Variants in GNA14 observed in about 807,000 individuals in gnomAD.
GNA14 encodes the protein G protein subunit alpha 14.
Under a neutral mutation model 42.0 loss-of-function variants are expected in GNA14, and 50 were observed. The observed-to-expected ratio is 1.19, with a 90% CI of 0.95 to 1.51. The LOEUF is 1.51. Among genes scored for constraint, GNA14 ranks in the 40% most tolerant of loss-of-function variants. The pLI is 0.00. For synonymous variants in GNA14, 173 were observed against 163.1 expected (o/e 1.06, Z -0.46); for missense variants, 473 against 446.2 (o/e 1.06, Z -0.54).
intron 2 of GNA14, among the ~76,000 whole-genome samples, chr9:77,473,012 A>G (rs1381094627): frequency 6.6e-6 from 1 of 152,262 alleles, no homozygotes; most frequent in Non-Finnish European, 1.5e-5. Flanking sequence ...TGACTAAAAC[A>G]ACTAGTAATC....
intron 2 of GNA14, among the ~76,000 whole-genome samples, chr9:77,516,748 G>C (rs1837265306): frequency 6.6e-6 from 1 of 151,872 alleles, no homozygotes; most frequent in African/African-American, 2.4e-5. Flanking sequence ...GTAGGGGGCA[G>C]GGGAATGTAA....
chr9:77,521,856 G>A (rs976864387), intron 2 of GNA14, among the ~76,000 whole-genome samples: 1 of 151,572 alleles, frequency 6.6e-6, no homozygotes, highest in African/African-American at 2.4e-5. Context: ...TTTTTGAGAT[G>A]GAGTCTCACT....
intron 1 of GNA14, among the ~76,000 whole-genome samples, chr9:77,588,717 G>T (rs951224551): frequency 6.6e-6 from 1 of 152,146 alleles, no homozygotes; most frequent in Admixed American, 6.5e-5. Flanking sequence ...TCTTTGTCAG[G>T]TGACACTCTC....
Position 77,431,419 on chromosome 9 carries a change from T to C in GNA14, c.495A>G (p.Thr165=). The C allele has an allele frequency of 6.2e-7, 1 of 1,613,692 alleles. No individual in the cohort carries two copies. The highest frequency in any genetic ancestry group is 8.5e-7 in the Non-Finnish European group (1 of 1,179,752). The change falls in exon 4 of 7, where the codon ACA becomes ACG. Residue 165 remains threonine, a synonymous_variant. Coordinates refer to ENST00000341700, the MANE Select transcript of GNA14 (RefSeq NM_004297.4). The stretch of plus-strand genomic sequence containing the variant: ...CTTGTTGGGTAGGCACGAATGATGG[T>C]GTGGCGATGCGGTCAATGTCAGTCA... ...YYLTDIDRIA[T]PSFVPTQQDV...
chr9:77,611,109 A>C lies in GNA14; in HGVS notation c.124+36561T>G, dbSNP rs976289540. ...ATTTGTTTTACATTACCCTATTCTC[A>C]AGTGGTTTTAAGGCAGCTAGAAGAC... On this transcript the variant is annotated intron_variant, in intron 1 of 6. Coordinates refer to ENST00000341700, the MANE Select transcript of GNA14 (RefSeq NM_004297.4). Among the ~76,000 whole-genome samples the C allele has an allele frequency of 2.2e-4, 34 of 152,254 alleles. 1 individual carries two copies. Among genetic ancestry groups the C allele is most frequent in the African/African-American group, 8.2e-4 (34 of 41,562 alleles).
chr9:77,605,072 T>C (rs181061909), intron 1 of GNA14, among the ~76,000 whole-genome samples: 11 of 152,368 alleles, frequency 7.2e-5, no homozygotes, highest in African/African-American at 2.6e-4. Flanking sequence ...AATGTCACTG[T>C]AACTTGGTAT....
intron 1 of GNA14, among the ~76,000 whole-genome samples, chr9:77,580,085 T>C (rs1406976309): frequency 2.0e-5 from 3 of 152,208 alleles, no homozygotes; most frequent in Non-Finnish European, 2.9e-5. Context: ...AGGGTGACTG[T>C]ATGTCCTGGT....
At chr9:77,618,298 T>G (rs1484287124) in intron 1 of GNA14, among the ~76,000 whole-genome samples, 2 of 151,998 alleles carry the variant, frequency 1.3e-5, no homozygotes, top group African/African-American at 2.4e-5. Flanking sequence ...TCCGTGCTAC[T>G]GAAGCAGGTA....
intron 1 of GNA14, among the ~76,000 whole-genome samples, chr9:77,622,328 A>C (rs1047195368): frequency 6.6e-6 from 1 of 152,240 alleles, no homozygotes; most frequent in African/African-American, 2.4e-5. Context: ...AAGGAACAGC[A>C]AAAGAATAAG....
At chr9:77,506,492 T>A (rs1305334943) in intron 2 of GNA14, among the ~76,000 whole-genome samples, 1 of 151,970 alleles carries the variant, frequency 6.6e-6, no homozygotes, top group African/African-American at 2.4e-5. Context: ...TTCTGGCCAG[T>A]GTGGTGAAAC....
intron 1 of GNA14, among the ~76,000 whole-genome samples, chr9:77,532,476 C>A (rs528243229): frequency 1.4e-4 from 21 of 152,334 alleles, no homozygotes; most frequent in Non-Finnish European, 2.8e-4. Context: ...ATAATGACAG[C>A]AGTGACCAGG....
At chr9:77,565,694 G>A (rs1822956923) in intron 1 of GNA14, among the ~76,000 whole-genome samples, 1 of 152,240 alleles carries the variant, frequency 6.6e-6, no homozygotes, top group Admixed American at 6.5e-5. Flanking sequence ...CCTGCCTCGA[G>A]TGATCCTTCT....
rs953692242 is a variant in GNA14, at chr9:77,488,214, A to G, written c.309+40855T>C. 1.3e-4 allele frequency among the ~76,000 whole-genome samples: 20 copies of G among 152,322 alleles called. No individual in the cohort carries two copies. The East Asian group carries it at 3.7e-3, about 28-fold the overall frequency. On this transcript the variant is annotated intron_variant, in intron 2 of 6. Transcript: ENST00000341700. The stretch of plus-strand genomic sequence containing the variant: ...TAAAAAACTGTGAGGAGGTGGTAAG[A>G]TAACTGAACTTCCATATCCTTGATT...
intron 1 of GNA14, among the ~76,000 whole-genome samples, chr9:77,604,021 G>A (rs753072680): frequency 4.1e-4 from 59 of 142,224 alleles, no homozygotes; most frequent in Non-Finnish European, 7.4e-4. Context: ...ATCACTCATT[G>A]CAATTAATCT....
At chr9:77,582,138 C>G (rs1823235250) in intron 1 of GNA14, among the ~76,000 whole-genome samples, 1 of 152,176 alleles carries the variant, frequency 6.6e-6, no homozygotes, top group Non-Finnish European at 1.5e-5. Context: ...CTTTCAGCAA[C>G]ACTTTACTTT....
chr9:77,543,148 T>G (rs1053292321), intron 1 of GNA14, among the ~76,000 whole-genome samples: 1 of 152,342 alleles, frequency 6.6e-6, no homozygotes, highest in East Asian at 1.9e-4. Context: ...CTCTTCCTTC[T>G]TGGCCTGGCA....
rs773009330 is a variant in GNA14 at position 77,484,196 on chromosome 9, T to A, written c.309+44873A>T. Among the ~76,000 whole-genome samples the A allele has an allele frequency of 3.9e-4, 60 of 152,188 alleles. 1 individual carries two copies. The highest frequency in any genetic ancestry group is 1.0e-3 in the South Asian group (5 of 4,820). ...TGCAGTCAATTAAAAGAACAATCAATCTAGCTCAGAGTAGGAGGATGAAGA... is the reference window on the plus strand; with the variant it reads ...TGCAGTCAATTAAAAGAACAATCAAACTAGCTCAGAGTAGGAGGATGAAGA... On this transcript the variant is annotated intron_variant, in intron 2 of 6. Transcript: ENST00000341700.
chr9:77,557,517 T>G (rs1332060673), intron 1 of GNA14, among the ~76,000 whole-genome samples: 1 of 152,218 alleles, frequency 6.6e-6, no homozygotes, highest in Non-Finnish European at 1.5e-5. Flanking sequence ...AACATACTGG[T>G]TAGCTGGGGA....
At chr9:77,540,642 C>T (rs1837648284) in intron 1 of GNA14, among the ~76,000 whole-genome samples, 1 of 152,062 alleles carries the variant, frequency 6.6e-6, no homozygotes, top group South Asian at 2.1e-4. Context: ...GCTTATGAAT[C>T]TGAGTGCTCC....
Sources: gnomAD v4.1 joint callset for allele counts (sites outside exome capture counted in the v4.1 genomes callset) on GRCh38, gnomAD v4.1.1 for gene constraint, MANE v1.5 for transcripts, NCBI Gene and HGNC (gene_info 2026-07-23, HGNC 2026-07-21) for gene names.